The following CFAP97 variants were observed in gnomAD, a reference collection of about 807,000 sequenced individuals.
CFAP97 encodes the protein cilia- and flagella-associated protein 97.
In CFAP97, 36 loss-of-function variants were observed where a neutral mutation model predicts 43.1. The ratio of observed to expected loss-of-function variants is 0.84; its 90% CI spans 0.64 to 1.10. The LOEUF is 1.10. Among genes scored for constraint, CFAP97 ranks in the 50% least tolerant of loss-of-function variants. The pLI is 0.00. For synonymous variants in CFAP97, 228 were observed against 225.7 expected (o/e 1.01, Z -0.09); for missense variants, 657 against 620.3 (o/e 1.06, Z -0.63).
upstream of CFAP97, chr4:185,209,913 C>T (rs1737467459): frequency 2.0e-6 from 2 of 983,276 alleles, no homozygotes; most frequent in Non-Finnish European, 2.4e-6. This position sits in a 1 kb window ranked among gnomAD's most constrained non-coding sequence, Gnocchi z 5.2. Flanking sequence ...TCTCGGGCTT[C>T]AGGGGCGAGC....
rs1220529661 is a variant in CFAP97, at chr4:185,160,744, G to A, written c.*2054C>T. 1.3e-5 allele frequency: 2 copies of A among 151,246 alleles called. No individual in the cohort carries two copies. The highest frequency in any genetic ancestry group is 4.8e-5 in the African/African-American group (2 of 41,266). The allele number at this position is 151,246 out of a possible 1,614,324, so 9.4% of individuals were successfully genotyped here. A position where few individuals can be genotyped will look rare whatever the true frequency, so the allele number is the denominator to read the frequency against. ...CAGTTGTTATTTATAAAACTATTGT[G>A]TTGTATCCTGACATGTGGCAACAAA... On this transcript the variant is annotated 3_prime_UTR_variant, in exon 5 of 5. Transcript: ENST00000458385.
rs1207875631 is a variant in CFAP97, at chr4:185,175,919, T to C, written c.1187A>G (p.Lys396Arg). ...CTTTTCCGCCTGTCTTGACAGTTCT[T>C]TCAAAAGCCTCTGATTTTCCCGATC... ...QIDRENQRLL[K>R]ELSRQAEKPG... Residue 396 changes from lysine to arginine, a missense_variant, in exon 3 of 5, where the codon AAA becomes AGA. Transcript: ENST00000458385. The C allele has an allele frequency of 6.2e-7, 1 of 1,613,976 alleles. No homozygotes were observed. The highest frequency in any genetic ancestry group is 1.1e-5 in the South Asian group (1 of 91,074).
chr4:185,189,816 A>G (rs150016792), intron 2 of CFAP97, among the ~76,000 whole-genome samples: 287 of 152,302 alleles, frequency 1.9e-3, no homozygotes, highest in Non-Finnish European at 3.4e-3. Flanking sequence ...AAAGTGAAAT[A>G]TGTCCGTGTC....
chr4:185,173,516 C>T (rs897038424), intron 3 of CFAP97, among the ~76,000 whole-genome samples: 9 of 152,082 alleles, frequency 5.9e-5, no homozygotes, highest in Non-Finnish European at 1.0e-4. Context: ...GTATTATTCA[C>T]TATAGCTTAG....
chr4:185,199,053 C>T (rs1736695797), intron 1 of CFAP97, among the ~76,000 whole-genome samples: 2 of 152,146 alleles, frequency 1.3e-5, no homozygotes, highest in Admixed American at 1.3e-4. Flanking sequence ...AAATGAAGCC[C>T]GTGCTCATTT....
intron 3 of CFAP97, among the ~76,000 whole-genome samples, chr4:185,167,826 C>A (rs947565331): frequency 7.4e-6 from 1 of 135,056 alleles, no homozygotes; most frequent in Admixed American, 7.6e-5. Flanking sequence ...GAAACCCCAT[C>A]TCTACTAAAA....
At position 185,159,806 on chromosome 4, in the gene CFAP97, C is replaced by A. The variant is rs891860623; in HGVS notation, c.*2992G>T. 1.3e-5 allele frequency: 2 copies of A among 152,118 alleles called. No individual in the cohort carries two copies. The highest frequency in any genetic ancestry group is 4.8e-5 in the African/African-American group (2 of 41,428). The allele number at this position is 152,118 out of a possible 1,614,324, so 9.4% of individuals were successfully genotyped here. A position where few individuals can be genotyped will look rare whatever the true frequency, so the allele number is the denominator to read the frequency against. ...ATCTTTCCTCATAGAAATAAAGAAG[C>A]CATAACTGTTAAGCACATTTTCTAA... On this transcript the variant is annotated 3_prime_UTR_variant, in exon 5 of 5. Transcript: ENST00000458385.
chr4:185,182,906 C>A (rs1240401458), intron 2 of CFAP97, among the ~76,000 whole-genome samples: 1 of 151,706 alleles, frequency 6.6e-6, no homozygotes, highest in Non-Finnish European at 1.5e-5. Context: ...TCACGACCAG[C>A]CTGGCCAACA....
chr4:185,191,816 A>G (rs1165933332), intron 1 of CFAP97, among the ~76,000 whole-genome samples: 1 of 152,050 alleles, frequency 6.6e-6, no homozygotes, highest in African/African-American at 2.4e-5. Flanking sequence ...GCGACAGAGC[A>G]AGACTCCATC....
At position 185,176,024 on chromosome 4, in the gene CFAP97, G is replaced by T. The variant is rs2111344345; in HGVS notation, c.1082C>A (p.Pro361Gln). 1 of 1,601,482 alleles carries T rather than the reference G, an allele frequency of 6.2e-7. No individual in the cohort carries two copies. The highest frequency in any genetic ancestry group is 8.5e-7 in the Non-Finnish European group (1 of 1,175,596). Reference sequence around the variant, plus strand: ...AGGCTGATCAAAGTGATGTTTTTGTGGTCCTTTTTTATCTAATTGCAGAAA... The same window carrying T: ...AGGCTGATCAAAGTGATGTTTTTGTTGTCCTTTTTTATCTAATTGCAGAAA... ...KAFLQLDKKG[P>Q]QKHHFDQPSV... is the part of the protein sequence containing the mutation. The change falls in exon 3 of 5, where the codon CCA (proline) becomes CAA (glutamine). Residue 361 changes from proline to glutamine, a missense_variant. By Grantham distance (76) the Pro-to-Gln change is moderately conservative. Transcript: ENST00000458385.
rs147009616 is a variant in CFAP97, at chr4:185,190,981, G to A, written c.216C>T (p.Asn72=). Residue 72 remains asparagine (N), a synonymous_variant, in exon 2 of 5, where the codon AAC becomes AAT. Coordinates refer to ENST00000458385, the MANE Select transcript of CFAP97 (RefSeq NM_020827.3). ...NYLTEKGNER[N]VKFPPEHPVE... is the part of the protein sequence containing the mutation. Reference sequence around the variant, plus strand: ...CGGGGTGTTCTGGGGGAAATTTCACGTTTCTTTCATTTCCCTTCTCAGTAA... The same window carrying A: ...CGGGGTGTTCTGGGGGAAATTTCACATTTCTTTCATTTCCCTTCTCAGTAA... The A allele has an allele frequency of 6.3e-3, 10,216 of 1,613,484 alleles. 38 individuals carry two copies. Among genetic ancestry groups the A allele is most frequent in the Non-Finnish European group, 8.0e-3 (9,388 of 1,179,604 alleles).
chr4:185,198,108 A>G (rs1736639443), intron 1 of CFAP97, among the ~76,000 whole-genome samples: 1 of 152,174 alleles, frequency 6.6e-6, no homozygotes, highest in Admixed American at 6.5e-5. Flanking sequence ...ACGATGTAGA[A>G]ATCTCAAGCT....
At chr4:185,202,562 CAAAA>C (rs1443616481) in intron 1 of CFAP97, among the ~76,000 whole-genome samples, 1 of 147,014 alleles carries the variant, frequency 6.8e-6, no homozygotes, top group Non-Finnish European at 1.5e-5. Flanking sequence ...AACAAACAAA[CAAAA>C]AAAATCACCG....
At chr4:185,185,738 G>A (rs1735981676) in intron 2 of CFAP97, among the ~76,000 whole-genome samples, 2 of 144,784 alleles carry the variant, frequency 1.4e-5, no homozygotes, top group Non-Finnish European at 3.0e-5. Flanking sequence ...CCTGGCTCAA[G>A]AGATCCTCCT....
intron 1 of CFAP97, among the ~76,000 whole-genome samples, chr4:185,192,752 T>TTG (rs1553973834): frequency 2.3e-5 from 1 of 43,354 alleles, no homozygotes; most frequent in African/African-American, 7.1e-5. Flanking sequence ...TTTTTTTTTT[T>TTG]TTTTTTGAGA....
Position 185,190,761 on chromosome 4 carries a change from G to T in CFAP97, c.436C>A (p.His146Asn). Residue 146 changes from histidine to asparagine, a missense_variant, in exon 2 of 5, where the codon CAT (histidine) becomes AAT (asparagine). By Grantham distance (68) the His-to-Asn change is moderately conservative. Coordinates refer to ENST00000458385, the MANE Select transcript of CFAP97 (RefSeq NM_020827.3). ...GGTTTAGCGGACTTGGACTTCACAT[G>T]GTATTTCTTCCCATCATCACTGCTT... is the stretch of plus-strand genomic sequence containing the variant. ...EESSDDGKKY[H>N]VKSKSAKPST... is the part of the protein sequence containing the mutation. 6.3e-7 allele frequency: 1 copy of T among 1,598,060 alleles called. No homozygotes were observed. Among genetic ancestry groups the T allele is most frequent in the Non-Finnish European group, 8.5e-7 (1 of 1,171,270 alleles).
At chr4:185,167,205 A>C (rs1735106107) in intron 3 of CFAP97, among the ~76,000 whole-genome samples, 1 of 152,162 alleles carries the variant, frequency 6.6e-6, no homozygotes, top group Non-Finnish European at 1.5e-5. Context: ...AGTGGCTTAC[A>C]TCTGTAGTCC....
intron 1 of CFAP97, among the ~76,000 whole-genome samples, chr4:185,195,848 C>T (rs1288877269): frequency 6.6e-6 from 1 of 152,122 alleles, no homozygotes; most frequent in African/African-American, 2.4e-5. Flanking sequence ...AAAAATGTCA[C>T]CTTTTTTTGT....
At position 185,190,778 on chromosome 4, in the gene CFAP97, T is replaced by C; in HGVS notation, c.419A>G (p.Asp140Gly). Residue 140 changes from aspartate (D) to glycine (G), a missense_variant, in exon 2 of 5, where the codon GAT becomes GGT. By Grantham distance (94) the Asp-to-Gly change is moderately conservative (BLOSUM62 -1). Transcript: ENST00000458385. ...CTTCACATGGTATTTCTTCCCATCATCACTGCTTTCCTCTCCATCTGTGTA... is the reference window on the plus strand; with the variant it reads ...CTTCACATGGTATTTCTTCCCATCACCACTGCTTTCCTCTCCATCTGTGTA... ...DYYTDGEESS[D>G]DGKKYHVKSK... 1 of 1,603,882 alleles carries C rather than the reference T, an allele frequency of 6.2e-7. No homozygotes were observed. The highest frequency in any genetic ancestry group is 8.5e-7 in the Non-Finnish European group (1 of 1,174,344).
Sources: gnomAD v4.1 joint callset for allele counts (sites outside exome capture counted in the v4.1 genomes callset) on GRCh38, gnomAD v4.1.1 for gene constraint, Gnocchi (gnomAD v3.1) non-coding constraint, MANE v1.5 for transcripts, NCBI Gene and HGNC (gene_info 2026-07-23, HGNC 2026-07-21) for gene names.